The following JPH1 variants were observed in gnomAD, a reference collection of about 807,000 sequenced individuals.
JPH1 encodes the protein junctophilin-1.
JPH1 carries 12 observed loss-of-function variants against 53.6 expected under a neutral mutation model. The observed-to-expected ratio is 0.22, with a 90% CI of 0.14 to 0.36. The LOEUF (loss-of-function observed/expected upper bound fraction) is 0.36, where lower values mean the gene tolerates loss of function less well. Ranked by LOEUF, JPH1 falls within the 10% of genes least tolerant of loss-of-function variation. JPH1 has a pLI of 1.00. For synonymous variants in JPH1, 375 were observed against 363.8 expected (o/e 1.03, Z -0.35); for missense variants, 808 against 905.5 (o/e 0.89, Z 1.38).
chr8:74,301,201 G>A (rs1330826390), intron 2 of JPH1, among the ~76,000 whole-genome samples: 1 of 152,020 alleles, frequency 6.6e-6, no homozygotes, highest in East Asian at 1.9e-4. Context: ...CCACAGACCA[G>A]GCCTCCGGTC....
In JPH1 at chr8:74,314,999, T is replaced by C; in HGVS notation, c.1001A>G (p.Asn334Ser). Residue 334 changes from asparagine (N) to serine (S), a missense_variant, in exon 2 of 6, where the codon AAT becomes AGT. By Grantham distance (46) the Asn-to-Ser change is conservative. Around this residue, in one of 2 missense-constraint regions of JPH1, gnomAD observed 756 missense variants for 811.9 expected, o/e 0.93. Transcript: ENST00000342232. The part of the protein sequence containing the change: ...GSKEEGKYKN[N>S]ILVRGIRKQL... ...CTTCCTTATCCCACGGACCAGAATA[T>C]TATTTTTGTATTTTCCCTCTTCTTT... 6.2e-7 allele frequency: 1 copy of C among 1,614,242 alleles called. No homozygotes were observed. The highest frequency in any genetic ancestry group is 8.5e-7 in the Non-Finnish European group (1 of 1,180,046).
intron 2 of JPH1, among the ~76,000 whole-genome samples, chr8:74,276,374 A>G (rs987074750): frequency 2.0e-5 from 3 of 152,306 alleles, no homozygotes; most frequent in Admixed American, 1.3e-4. Context: ...CCTTTGTAAC[A>G]TGGAGGTCAA....
chr8:74,237,338 C>T (rs1257825895), intron 4 of JPH1, 35 bp from the exon 5 acceptor site: 3 of 1,499,844 alleles, frequency 2.0e-6, no homozygotes, highest in Non-Finnish European at 2.8e-6. Flanking sequence ...ACTATAACTT[C>T]TCCATGTTAA....
chr8:74,242,364 C>A (rs746429711), intron 4 of JPH1, among the ~76,000 whole-genome samples: 4 of 152,220 alleles, frequency 2.6e-5, no homozygotes, highest in Non-Finnish European at 5.9e-5. Context: ...TTAATCTTCA[C>A]AACAACCCTG....
At chr8:74,274,652 T>C (rs1403357815) in intron 2 of JPH1, among the ~76,000 whole-genome samples, 1 of 152,212 alleles carries the variant, frequency 6.6e-6, no homozygotes, top group East Asian at 1.9e-4. Flanking sequence ...AGAAATGCCC[T>C]GAATCATTAA....
rs561222810 is a variant in JPH1 at position 74,241,309 on chromosome 8, G to A, written c.1905+3220C>T. 2.6e-5 allele frequency among the ~76,000 whole-genome samples: 4 copies of A among 152,254 alleles called. No homozygotes were observed. The South Asian group carries it at 8.3e-4, about 32-fold the overall frequency. ...TGTGTTCTTTATATACCTAGGCACAGGATATGGGGTGAAAAGCTTTAAGGT... is the reference window on the plus strand; with the variant it reads ...TGTGTTCTTTATATACCTAGGCACAAGATATGGGGTGAAAAGCTTTAAGGT... On this transcript the variant is annotated intron_variant, in intron 4 of 5. Transcript: ENST00000342232.
intron 4 of JPH1, among the ~76,000 whole-genome samples, chr8:74,242,001 C>A (rs974422968): frequency 2.6e-5 from 4 of 152,144 alleles, no homozygotes; most frequent in African/African-American, 9.7e-5. Context: ...ACATTGAATG[C>A]GTGCCCCTAG....
chr8:74,270,092 A>AT lies in JPH1; in HGVS notation c.1140-10590dup, dbSNP rs3032978. On this transcript the variant is annotated intron_variant, in intron 2 of 5. Transcript: ENST00000342232. ...ATTTTGAGCTTTCTTCTCCCAATGT[A>AT]TTTTTTTTTAACGAGTTTCGGCTGA... 9.9e-3 allele frequency among the ~76,000 whole-genome samples: 1,497 copies of AT among 150,996 alleles called. 28 individuals carry two copies. Among genetic ancestry groups the AT allele is most frequent in the African/African-American group, 0.034 (1,404 of 41,226 alleles).
Position 74,315,542 on chromosome 8 carries a change from G to A in JPH1, c.458C>T (p.Thr153Met), listed in dbSNP as rs1808131604. 5 of 1,606,146 alleles carry A rather than the reference G, an allele frequency of 3.1e-6. No individual in the cohort carries two copies. Among genetic ancestry groups the A allele is most frequent in the Non-Finnish European group, 4.2e-6 (5 of 1,178,140 alleles). The change falls in exon 2 of 6, where the codon ACG becomes ATG. Residue 153 changes from threonine (T) to methionine (M), a missense_variant. Coordinates refer to ENST00000342232, the MANE Select transcript of JPH1 (RefSeq NM_020647.4). The surrounding 1 kb of genome is among the most constrained non-coding windows in gnomAD (Gnocchi z 6.3). ...GGTACGCAGCGGTGAGCGGATCACC[G>A]TGGCCATGCCGTAGGGCACGCTCTG... is the stretch of plus-strand genomic sequence containing the variant. ...VRQSVPYGMA[T>M]VIRSPLRTSL...
intron 2 of JPH1, among the ~76,000 whole-genome samples, chr8:74,290,686 C>A (rs747624503): frequency 4.6e-5 from 7 of 152,056 alleles, no homozygotes; most frequent in Non-Finnish European, 8.8e-5. Context: ...AATCCTAAAC[C>A]AAAAGAACAA....
chr8:74,251,986 G>A (rs1350572140), intron 3 of JPH1, among the ~76,000 whole-genome samples: 2 of 152,078 alleles, frequency 1.3e-5, no homozygotes, highest in Admixed American at 1.3e-4. Flanking sequence ...ATAGACCAAT[G>A]GAACAGAACA....
rs191887048 is a variant in JPH1 at position 74,319,576 on chromosome 8, A to G, written c.379+1333T>C. On this transcript the variant is annotated intron_variant, in intron 1 of 5. Transcript: ENST00000342232. ...TTAATTTATACTGTAGGATGAAAAG[A>G]TGTCCTTTTTAGCAAGTTCTACCAT... Among the ~76,000 whole-genome samples the G allele has an allele frequency of 1.6e-4, 24 of 152,352 alleles. No homozygotes were observed. In the South Asian group the frequency reaches 3.7e-3, roughly 24 times the overall value.
chr8:74,315,568 G>A lies in JPH1; in HGVS notation c.432C>T (p.Arg144=). 6.2e-7 allele frequency: 1 copy of A among 1,605,706 alleles called. No individual in the cohort carries two copies. The highest frequency in any genetic ancestry group is 8.5e-7 in the Non-Finnish European group (1 of 1,178,580). ...TGGCCATGCCGTAGGGCACGCTCTG[G>A]CGCACGCCGTAGCCATGCCGCATGC... ...AGGMRHGYGV[R]QSVPYGMATV... Residue 144 remains arginine, a synonymous_variant, in exon 2 of 6, where the codon CGC becomes CGT. Coordinates refer to ENST00000342232, the MANE Select transcript of JPH1 (RefSeq NM_020647.4). The surrounding 1 kb of genome is among the most constrained non-coding windows in gnomAD (Gnocchi z 6.3).
Position 74,245,916 on chromosome 8 carries a change from A to G in JPH1, c.1259-741T>C, listed in dbSNP as rs1270924982. On this transcript the variant is annotated intron_variant, in intron 3 of 5. Transcript: ENST00000342232. ...TCTTCTGACAGAGGAGGAAAAAATG[A>G]AAAAAAAAAAAAAAAAGTGGCCCTG... is the stretch of plus-strand genomic sequence containing the variant. Among the ~76,000 whole-genome samples, 3 of 106,746 alleles carry G rather than the reference A, an allele frequency of 2.8e-5. No individual in the cohort carries two copies. In the South Asian group the frequency reaches 8.5e-4, roughly 30 times the overall value. 70.0% of individuals were successfully genotyped at this position (106,746 alleles called of 152,430 possible).
chr8:74,317,904 G>T (rs1169903078), intron 1 of JPH1, among the ~76,000 whole-genome samples: 1 of 152,120 alleles, frequency 6.6e-6, no homozygotes, highest in East Asian at 1.9e-4. Flanking sequence ...TAAGGCAACA[G>T]CAATAATTAG....
intron 2 of JPH1, among the ~76,000 whole-genome samples, chr8:74,292,659 A>AG (rs1554540321): frequency 6.6e-6 from 1 of 151,828 alleles, no homozygotes; most frequent in Non-Finnish European, 1.5e-5. Context: ...TAAAAAACAA[A>AG]CAAACAGAAA....
At chr8:74,241,683 A>C (rs1291475581) in intron 4 of JPH1, among the ~76,000 whole-genome samples, 4 of 150,672 alleles carry the variant, frequency 2.7e-5, no homozygotes, top group Non-Finnish European at 6.0e-5. Flanking sequence ...ACAAAGTTTA[A>C]TTAAGTATTA....
chr8:74,315,563 C>G lies in JPH1; in HGVS notation c.437G>C (p.Ser146Thr). 6.2e-7 allele frequency: 1 copy of G among 1,605,906 alleles called. No individual in the cohort carries two copies. The highest frequency in any genetic ancestry group is 8.5e-7 in the Non-Finnish European group (1 of 1,178,534). Residue 146 changes from serine (S) to threonine (T), a missense_variant, in exon 2 of 6, where the codon AGC becomes ACC. Physicochemically the swap from Ser to Thr is moderately conservative, Grantham distance 58. Transcript: ENST00000342232. The surrounding 1 kb of genome is among the most constrained non-coding windows in gnomAD (Gnocchi z 6.3). ...GMRHGYGVRQ[S>T]VPYGMATVIR... The stretch of plus-strand genomic sequence containing the variant: ...CACCGTGGCCATGCCGTAGGGCACG[C>G]TCTGGCGCACGCCGTAGCCATGCCG...
chr8:74,311,584 C>T (rs185896584), intron 2 of JPH1, among the ~76,000 whole-genome samples: 15 of 152,120 alleles, frequency 9.9e-5, no homozygotes, highest in Admixed American at 3.9e-4. Flanking sequence ...AGGTTAGTTA[C>T]ATACATATAC....
Sources: allele counts gnomAD v4.1 joint callset (sites outside exome capture counted in the v4.1 genomes callset), GRCh38; gene constraint gnomAD v4.1.1; regional missense constraint gnomAD v4.1.1; non-coding constraint Gnocchi (gnomAD v3.1); transcripts MANE v1.5; gene names NCBI Gene and HGNC (gene_info 2026-07-23, HGNC 2026-07-21).